The following ADARB2 variants were observed in gnomAD, a reference collection of about 807,000 sequenced individuals.
The protein encoded by ADARB2 is adenosine deaminase RNA specific B2 (inactive).
Under a neutral mutation model 62.2 loss-of-function variants are expected in ADARB2, and 25 were observed. The observed-to-expected ratio is 0.40, with a 90% confidence interval of 0.29 to 0.56. The LOEUF (loss-of-function observed/expected upper bound fraction) is 0.56, where lower values mean the gene tolerates loss of function less well. ADARB2 is among the 20% of genes least tolerant of loss of function. The probability of loss-of-function intolerance (pLI) is 0.43; values close to 1 mark genes in which losing one functional copy is unlikely to be tolerated. For missense variants in ADARB2, 1,071 were observed against 1,077.4 expected (o/e 0.99, Z 0.08); for synonymous variants, 572 against 500.8 (o/e 1.14, Z -1.90).
intron 1 of ADARB2, among the ~76,000 whole-genome samples, chr10:1,584,890 T>C (rs562071071): frequency 6.6e-6 from 1 of 152,312 alleles, no homozygotes; most frequent in East Asian, 1.9e-4. Context: ...TCTAGGACAT[T>C]CTGGAAAAGG....
chr10:1,298,867 G>A (rs1831548221), intron 3 of ADARB2, among the ~76,000 whole-genome samples: 3 of 150,948 alleles, frequency 2.0e-5, no homozygotes, highest in South Asian at 4.2e-4. Context: ...AGCCTCCCGA[G>A]AAGCTAGGAC....
At chr10:1,401,464 G>C (rs1832662014) in intron 1 of ADARB2, among the ~76,000 whole-genome samples, 1 of 152,210 alleles carries the variant, frequency 6.6e-6, no homozygotes, top group Admixed American at 6.5e-5. Flanking sequence ...ACCATGGAGG[G>C]CAGGTGCCAG....
intron 1 of ADARB2, among the ~76,000 whole-genome samples, chr10:1,559,693 C>T (rs1241058140): frequency 6.6e-6 from 1 of 152,200 alleles, no homozygotes; most frequent in Non-Finnish European, 1.5e-5. Context: ...CCTCGCTTAG[C>T]GACTCCACAG....
chr10:1,600,669 A>G (rs1833400186), intron 1 of ADARB2, among the ~76,000 whole-genome samples: 1 of 151,374 alleles, frequency 6.6e-6, no homozygotes, highest in Non-Finnish European at 1.5e-5. Flanking sequence ...CTCAAAAAAA[A>G]AAAAAAAAAA....
intron 4 of ADARB2, among the ~76,000 whole-genome samples, chr10:1,247,135 G>A (rs1830993466): frequency 6.6e-6 from 1 of 152,140 alleles, no homozygotes; most frequent in African/African-American, 2.4e-5. Context: ...CTGTTTGTCT[G>A]TTATTGGTGT....
At chr10:1,249,364 C>T (rs565874614) in intron 4 of ADARB2, among the ~76,000 whole-genome samples, 1 of 151,726 alleles carries the variant, frequency 6.6e-6, no homozygotes, top group East Asian at 1.9e-4. Flanking sequence ...ATCACTTGAG[C>T]CCTGGAGGCG....
chr10:1,229,776 T>C (rs1250107146), intron 6 of ADARB2, among the ~76,000 whole-genome samples: 24 of 21,582 alleles, frequency 1.1e-3, no homozygotes, highest in Admixed American at 8.5e-3. Context: ...ACATATGTGC[T>C]TCTGTGTACA....
intron 3 of ADARB2, among the ~76,000 whole-genome samples, chr10:1,308,622 C>T (rs925204969): frequency 3.9e-5 from 6 of 152,326 alleles, no homozygotes; most frequent in South Asian, 2.1e-4. Context: ...CCACCAGCAG[C>T]GACTGAATTT....
chr10:1,223,139 G>A (rs1303697794), intron 6 of ADARB2, among the ~76,000 whole-genome samples: 4 of 152,090 alleles, frequency 2.6e-5, no homozygotes, highest in East Asian at 1.9e-4. Context: ...CACATCCCTT[G>A]TAAGTTGGAT....
chr10:1,632,714 G>A (rs987695072), intron 1 of ADARB2, among the ~76,000 whole-genome samples: 1 of 152,218 alleles, frequency 6.6e-6, no homozygotes, highest in Non-Finnish European at 1.5e-5. Context: ...TGCATGAAGT[G>A]GCATTGAATA....
At chr10:1,195,150 T>TA (rs926253945) in intron 8 of ADARB2, among the ~76,000 whole-genome samples, 2 of 152,130 alleles carry the variant, frequency 1.3e-5, no homozygotes, top group African/African-American at 4.8e-5. Context: ...CAGGGACTCT[T>TA]ACAGGAAAAT....
chr10:1,203,550 C>T (rs545021218), intron 7 of ADARB2, among the ~76,000 whole-genome samples: 1 of 152,202 alleles, frequency 6.6e-6, no homozygotes, highest in African/African-American at 2.4e-5. Context: ...GCAGGGCTGG[C>T]TGTCAGGCCT....
intron 3 of ADARB2, among the ~76,000 whole-genome samples, chr10:1,311,107 A>G (rs779881025): frequency 2.0e-5 from 3 of 152,178 alleles, no homozygotes; most frequent in Non-Finnish European, 2.9e-5. Context: ...CATGGGGGTC[A>G]CTCAGGAGAC....
intron 1 of ADARB2, among the ~76,000 whole-genome samples, chr10:1,537,033 GA>G (rs1247526647): frequency 1.3e-5 from 2 of 152,140 alleles, no homozygotes; most frequent in Non-Finnish European, 2.9e-5. Flanking sequence ...ACAGCCTACA[GA>G]ATGGGAGAAA....
intron 1 of ADARB2, among the ~76,000 whole-genome samples, chr10:1,589,465 G>A (rs1181930840): frequency 6.6e-6 from 1 of 151,610 alleles, no homozygotes; most frequent in Non-Finnish European, 1.5e-5. Flanking sequence ...TCCATGGTTG[G>A]GGTGTCCACA....
intron 1 of ADARB2, among the ~76,000 whole-genome samples, chr10:1,673,804 T>C (rs1363229240): frequency 3.9e-5 from 6 of 152,232 alleles, no homozygotes; most frequent in Non-Finnish European, 8.8e-5. Flanking sequence ...TTGCTGGGCA[T>C]ACCAGGAGGG....
In ADARB2 at chr10:1,737,093, A is replaced by G. The variant is rs370305318; in HGVS notation, c.58T>C (p.Cys20Arg). The part of the protein sequence containing the change: ...GSGGLSSQLK[C>R]KSKRRRRRRS... ...CGCCTCCTCCTCCTCTTGGACTTGC[A>G]TTTGAGTTGACTGCTCAGCCCTCCA... The change falls in exon 1 of 10, where the codon TGC becomes CGC. Residue 20 changes from cysteine to arginine, a missense_variant. By Grantham distance (180) the Cys-to-Arg change is radical. Coordinates refer to ENST00000381312, the MANE Select transcript of ADARB2 (RefSeq NM_018702.4). The G allele has an allele frequency of 6.8e-6, 11 of 1,611,744 alleles. No homozygotes were observed. The highest frequency in any genetic ancestry group is 9.3e-6 in the Non-Finnish European group (11 of 1,179,884).
rs539131066 is a variant in ADARB2, at chr10:1,392,356, A to G, written c.101-13196T>C. 2.6e-5 allele frequency among the ~76,000 whole-genome samples: 4 copies of G among 152,148 alleles called. No individual in the cohort carries two copies. The East Asian group carries it at 7.7e-4, about 29-fold the overall frequency. Reference sequence around the variant, plus strand: ...AGCCTCTGTTACAAGTTTCCTTCTCATGTTTTCCTTTTGCCAAAACACGCT... The same window carrying G: ...AGCCTCTGTTACAAGTTTCCTTCTCGTGTTTTCCTTTTGCCAAAACACGCT... On this transcript the variant is annotated intron_variant, in intron 1 of 9. Coordinates refer to ENST00000381312, the MANE Select transcript of ADARB2 (RefSeq NM_018702.4).
At chr10:1,271,105 G>T in intron 3 of ADARB2, 36 bp from the exon 4 acceptor site, 1 of 1,569,954 alleles carries the variant, frequency 6.4e-7, no homozygotes, top group Non-Finnish European at 8.7e-7. Context: ...ACGTTGGGCT[G>T]AGCAGGTGCC....
Sources: gnomAD v4.1 joint callset for allele counts (sites outside exome capture counted in the v4.1 genomes callset) on GRCh38, gnomAD v4.1.1 for gene constraint, MANE v1.5 for transcripts, NCBI Gene and HGNC (gene_info 2026-07-23, HGNC 2026-07-21) for gene names.